The following WLS variants were observed in gnomAD, a reference collection of about 807,000 sequenced individuals.
WLS encodes the protein protein wntless homolog.
A neutral mutation model predicts 62.8 loss-of-function variants in WLS; 23 were observed. The observed-to-expected ratio is 0.37, with a 90% CI of 0.26 to 0.52. The LOEUF (loss-of-function observed/expected upper bound fraction) is 0.52. WLS is among the 20% of genes least tolerant of loss of function. The pLI, the probability that WLS is intolerant of heterozygous loss-of-function variation, is 0.92. For synonymous variants in WLS, 246 were observed against 244.1 expected (o/e 1.01, Z -0.07); for missense variants, 615 against 697.3 (o/e 0.88, Z 1.33).
intron 1 of WLS, among the ~76,000 whole-genome samples, chr1:68,195,931 G>A (rs2039155): frequency 0.13 from 19,275 of 151,780 alleles, 1,681 homozygotes; most frequent in African/African-American, 0.25. Flanking sequence ...CCTCCCTTTT[G>A]TTGATTTATC....
At chr1:68,216,784 C>T (rs1010173845) in intron 1 of WLS, among the ~76,000 whole-genome samples, 5 of 152,070 alleles carry the variant, frequency 3.3e-5, no homozygotes, top group African/African-American at 4.8e-5. Flanking sequence ...TAATTCAAGC[C>T]GCAACAATGA....
At chr1:68,163,970 G>A (rs1201793699) in intron 2 of WLS, among the ~76,000 whole-genome samples, 1 of 152,152 alleles carries the variant, frequency 6.6e-6, no homozygotes, top group African/African-American at 2.4e-5. Context: ...AAGCTGACAT[G>A]GCAGCATGGC....
At chr1:68,217,396 A>T (rs559706114) in intron 1 of WLS, among the ~76,000 whole-genome samples, 19 of 152,314 alleles carry the variant, frequency 1.2e-4, no homozygotes, top group African/African-American at 4.3e-4. Context: ...GCTTCATTAC[A>T]CTAACCAACA....
intron 1 of WLS, chr1:68,201,889 A>C (rs1649038603): frequency 1.3e-5 from 2 of 152,332 alleles, no homozygotes; most frequent in East Asian, 1.9e-4. Context: ...TTTGACAGCA[A>C]TTTTCCAAAA....
chr1:68,144,818 TG>T (rs1262026914), intron 9 of WLS, among the ~76,000 whole-genome samples, 166 bp from the exon 10 acceptor site: 1 of 152,156 alleles, frequency 6.6e-6, no homozygotes, highest in Non-Finnish European at 1.5e-5. Flanking sequence ...GAGGTGAGTG[TG>T]GCTGAAAATT....
chr1:68,211,683 C>T (rs1052438401), intron 1 of WLS, among the ~76,000 whole-genome samples: 1 of 152,150 alleles, frequency 6.6e-6, no homozygotes, highest in South Asian at 2.1e-4. Flanking sequence ...TCACCAAAAC[C>T]CCTAAGTCTT....
chr1:68,129,099 C>T (rs12564580), intron 11 of WLS, among the ~76,000 whole-genome samples: 2 of 151,856 alleles, frequency 1.3e-5, no homozygotes, highest in African/African-American at 4.8e-5. Context: ...CTGACGGCGG[C>T]GGATCACTTG....
chr1:68,128,905 T>C (rs562554416), intron 11 of WLS, among the ~76,000 whole-genome samples: 9 of 152,212 alleles, frequency 5.9e-5, no homozygotes, highest in Admixed American at 1.3e-4. Flanking sequence ...TTCAAATAAA[T>C]AGGTGCCAGG....
downstream of WLS, among the ~76,000 whole-genome samples, chr1:68,124,776 A>G (rs566191925): frequency 1.6e-4 from 25 of 152,342 alleles, no homozygotes; most frequent in South Asian, 4.1e-3. Flanking sequence ...AAGGCAGGCT[A>G]GGGGTGCTGA....
intron 2 of WLS, chr1:68,176,322 C>A (rs1647256836): frequency 6.6e-6 from 1 of 152,256 alleles, no homozygotes; most frequent in Non-Finnish European, 1.5e-5. Flanking sequence ...TTTTACCTGC[C>A]TCCGAAGCCA....
At chr1:68,127,921 C>T (rs909606515) in intron 11 of WLS, among the ~76,000 whole-genome samples, 2 of 152,124 alleles carry the variant, frequency 1.3e-5, no homozygotes, top group African/African-American at 4.8e-5. Context: ...TCACGTGTGC[C>T]ACGCAGTATT....
At chr1:68,232,046 T>C in intron 1 of WLS, 148 bp downstream of exon 1, 1 of 1,060,622 alleles carries the variant, frequency 9.4e-7, no homozygotes. Context: ...CGGAGCCCCA[T>C]GGAGCTCTGC....
intron 2 of WLS, among the ~76,000 whole-genome samples, chr1:68,173,598 A>G (rs1217708450): frequency 6.6e-6 from 1 of 152,202 alleles, no homozygotes; most frequent in Non-Finnish European, 1.5e-5. Context: ...GGAGTCCAGG[A>G]TAAAGAAAAA....
intron 11 of WLS, among the ~76,000 whole-genome samples, chr1:68,136,671 C>A (rs1402417898): frequency 6.6e-6 from 1 of 152,186 alleles, no homozygotes; most frequent in Non-Finnish European, 1.5e-5. Flanking sequence ...GACAATATTC[C>A]ATTGAATGTC....
chr1:68,141,332 C>T (rs943455901), intron 10 of WLS: 4 of 152,164 alleles, frequency 2.6e-5, no homozygotes, highest in Non-Finnish European at 4.4e-5. Flanking sequence ...ACCTGGGGGT[C>T]CCCTTAATGA....
intron 2 of WLS, chr1:68,162,956 A>T (rs6679382): frequency 0.17 from 272,622 of 1,590,198 alleles, 25,379 homozygotes; most frequent in East Asian, 0.38. Flanking sequence ...GCATCTCCAC[A>T]GTGCAGTCGC....
chr1:68,168,193 T>A (rs972056061), intron 2 of WLS, among the ~76,000 whole-genome samples: 1 of 151,964 alleles, frequency 6.6e-6, no homozygotes, highest in Non-Finnish European at 1.5e-5. Flanking sequence ...GAATGGTCCC[T>A]GGGGTGGGAA....
At chr1:68,231,614 G>A in intron 1 of WLS, 1 of 403,448 alleles carries the variant, frequency 2.5e-6, no homozygotes, top group Non-Finnish European at 5.1e-6. Flanking sequence ...GTGGGGTGGA[G>A]TGCGGCGGGA....
intron 11 of WLS, among the ~76,000 whole-genome samples, chr1:68,130,889 CTTTTT>C (rs56038722): frequency 4.0e-5 from 4 of 100,836 alleles, no homozygotes; most frequent in East Asian, 3.0e-4. Flanking sequence ...GTTTCTTCTT[CTTTTT>C]TTTTTTTTTT....
Sources: allele counts gnomAD v4.1 joint callset (sites outside exome capture counted in the v4.1 genomes callset), GRCh38; gene constraint gnomAD v4.1.1; transcripts MANE v1.5; gene names NCBI Gene and HGNC (gene_info 2026-07-23, HGNC 2026-07-21).